Variants in EFCAB6 observed in about 807,000 individuals in gnomAD.
EFCAB6 encodes EF-hand calcium binding domain 6, also known as EF-hand calcium-binding domain-containing protein 6.
A neutral mutation model predicts 169.8 loss-of-function variants in EFCAB6; 156 were observed. That is an observed-to-expected ratio of 0.92 (90% CI 0.81 to 1.05). The LOEUF (loss-of-function observed/expected upper bound fraction) is 1.05, where lower values mean the gene tolerates loss of function less well. EFCAB6 is among the 50% of genes least tolerant of loss of function. EFCAB6 has a pLI of 0.00. For missense variants in EFCAB6, 1,800 were observed against 1,829.1 expected (o/e 0.98, Z 0.29); for synonymous variants, 698 against 676.4 (o/e 1.03, Z -0.50).
intron 3 of EFCAB6, among the ~76,000 whole-genome samples, chr22:43,773,818 G>A (rs2061554275): frequency 6.6e-6 from 1 of 152,224 alleles, no homozygotes; most frequent in Non-Finnish European, 1.5e-5. Flanking sequence ...TTGCACTCCA[G>A]CCTGGGCAAC....
At chr22:43,599,578 G>C (rs2052338268) in intron 23 of EFCAB6, among the ~76,000 whole-genome samples, 1 of 140,748 alleles carries the variant, frequency 7.1e-6, no homozygotes, top group African/African-American at 2.6e-5. Context: ...CCTTCCCGTT[G>C]CTCAGCTGTT....
At chr22:43,753,431 C>T (rs377169332) in intron 6 of EFCAB6, among the ~76,000 whole-genome samples, 8 of 152,290 alleles carry the variant, frequency 5.3e-5, no homozygotes, top group East Asian at 3.9e-4. Flanking sequence ...GAAGAGGACA[C>T]GCTGAGAACC....
intron 26 of EFCAB6, among the ~76,000 whole-genome samples, chr22:43,565,249 G>A (rs1251810150): frequency 6.6e-6 from 1 of 152,234 alleles, no homozygotes; most frequent in Admixed American, 6.5e-5. Context: ...CAGAGATGAA[G>A]AGCAGAGTCA....
intron 23 of EFCAB6, among the ~76,000 whole-genome samples, chr22:43,591,082 TTTGTTG>T (rs777757076): frequency 3.3e-5 from 5 of 151,134 alleles, no homozygotes; most frequent in Admixed American, 6.6e-5. Flanking sequence ...ACCCCCTGGG[TTTGTTG>T]TTGTTGTTGT....
At chr22:43,724,052 G>A (rs1312156301) in intron 8 of EFCAB6, among the ~76,000 whole-genome samples, 1 of 152,154 alleles carries the variant, frequency 6.6e-6, no homozygotes, top group African/African-American at 2.4e-5. Flanking sequence ...CATGTGGCCA[G>A]GCTGCACTTC....
intron 11 of EFCAB6, among the ~76,000 whole-genome samples, chr22:43,684,975 C>T (rs1251579799): frequency 1.3e-5 from 2 of 151,946 alleles, no homozygotes; most frequent in African/African-American, 2.4e-5. Flanking sequence ...TGTTGAACTC[C>T]CAAAAGATCA....
chr22:43,686,540 A>C (rs2058200677), intron 11 of EFCAB6, among the ~76,000 whole-genome samples: 1 of 152,230 alleles, frequency 6.6e-6, no homozygotes, highest in African/African-American at 2.4e-5. Flanking sequence ...CTCTCTAGAC[A>C]ACGTGCTATT....
chr22:43,758,145 C>G (rs1198957419), intron 5 of EFCAB6, among the ~76,000 whole-genome samples: 1 of 151,620 alleles, frequency 6.6e-6, no homozygotes, highest in Non-Finnish European at 1.5e-5. Context: ...TTCTTTTAGT[C>G]TTTTTAATCC....
chr22:43,584,820 T>C (rs1038229098), intron 24 of EFCAB6, among the ~76,000 whole-genome samples: 1 of 152,094 alleles, frequency 6.6e-6, no homozygotes, highest in African/African-American at 2.4e-5. Context: ...AACCCAGCTG[T>C]AGTGAAATAA....
intron 21 of EFCAB6, among the ~76,000 whole-genome samples, chr22:43,612,305 G>A (rs2053369721): frequency 6.6e-6 from 1 of 152,224 alleles, no homozygotes; most frequent in Non-Finnish European, 1.5e-5. Context: ...TGACAAATGG[G>A]ATCTAATTAG....
At chr22:43,591,080 G>A (rs2051484562) in intron 23 of EFCAB6, among the ~76,000 whole-genome samples, 1 of 151,698 alleles carries the variant, frequency 6.6e-6, no homozygotes, top group African/African-American at 2.4e-5. Context: ...AGACCCCCTG[G>A]GTTTGTTGTT....
chr22:43,755,242 C>T (rs1031499137), intron 6 of EFCAB6, among the ~76,000 whole-genome samples: 13 of 152,190 alleles, frequency 8.5e-5, no homozygotes, highest in Non-Finnish European at 1.3e-4. Context: ...ATCTCCTCCC[C>T]GCCTTAGCTG....
At chr22:43,789,459 G>T (rs2062195580) in intron 2 of EFCAB6, among the ~76,000 whole-genome samples, 1 of 151,992 alleles carries the variant, frequency 6.6e-6, no homozygotes, top group African/African-American at 2.4e-5. Flanking sequence ...CAGTTATTTA[G>T]ATTATGATTT....
intron 3 of EFCAB6, among the ~76,000 whole-genome samples, chr22:43,774,822 G>A (rs571824228): frequency 1.5e-3 from 223 of 151,866 alleles, no homozygotes; most frequent in African/African-American, 5.3e-3. Flanking sequence ...GAGCTGCATC[G>A]GCCAAGAGAT....
At chr22:43,589,154 T>A (rs1569207131) in intron 24 of EFCAB6, among the ~76,000 whole-genome samples, 1 of 151,758 alleles carries the variant, frequency 6.6e-6, no homozygotes, top group Non-Finnish European at 1.5e-5. Context: ...TGGTGGCTCA[T>A]GCCTGTAATC....
At chr22:43,554,577 C>G (rs1342486647) in intron 27 of EFCAB6, 6 of 422,066 alleles carry the variant, frequency 1.4e-5, no homozygotes, top group Non-Finnish European at 2.2e-5. Context: ...GACCACATTA[C>G]CTCCGGGATG....
At chr22:43,554,799 A>T in intron 27 of EFCAB6, 70 bp downstream of exon 27, 1 of 1,359,126 alleles carries the variant, frequency 7.4e-7, no homozygotes. Context: ...AACTCTGTAC[A>T]TTCTGGCCAG....
intron 10 of EFCAB6, among the ~76,000 whole-genome samples, chr22:43,695,523 T>A (rs946737479): frequency 1.3e-5 from 2 of 151,990 alleles, no homozygotes; most frequent in African/African-American, 4.8e-5. Context: ...GAACCTAGAA[T>A]AGTCAAATGA....
intron 28 of EFCAB6, among the ~76,000 whole-genome samples, chr22:43,538,647 A>G (rs2047524805): frequency 6.6e-6 from 1 of 152,168 alleles, no homozygotes; most frequent in Admixed American, 6.5e-5. Context: ...TCGGCTTCCC[A>G]AAGTGCTGGG....
Sources: gnomAD v4.1 joint callset for allele counts (sites outside exome capture counted in the v4.1 genomes callset) on GRCh38, gnomAD v4.1.1 for gene constraint, MANE v1.5 for transcripts, NCBI Gene and HGNC (gene_info 2026-07-23, HGNC 2026-07-21) for gene names.